Variants in PLEKHG1 observed in about 807,000 individuals in gnomAD.
The protein encoded by PLEKHG1 is pleckstrin homology domain-containing family G member 1.
PLEKHG1 carries 44 observed loss-of-function variants against 100.8 expected under a neutral mutation model. That is an observed-to-expected ratio of 0.44 (90% CI 0.34 to 0.56). PLEKHG1 has a LOEUF of 0.56. Among genes scored for constraint, PLEKHG1 ranks in the 20% least tolerant of loss-of-function variants. The pLI is 0.01. For missense variants in PLEKHG1, 1,545 were observed against 1,720.9 expected (o/e 0.90, Z 1.81); for synonymous variants, 640 against 662.5 (o/e 0.97, Z 0.52).
intron 13 of PLEKHG1, among the ~76,000 whole-genome samples, chr6:150,822,444 A>G: frequency 6.6e-6 from 1 of 152,218 alleles, no homozygotes; most frequent in East Asian, 1.9e-4. Flanking sequence ...TCACCTGCAG[A>G]GATGTACTTA....
intron 2 of PLEKHG1, among the ~76,000 whole-genome samples, chr6:150,741,914 C>CT (rs1782879331): frequency 6.6e-6 from 1 of 152,198 alleles, no homozygotes; most frequent in Non-Finnish European, 1.5e-5. Context: ...GACTTCTATC[C>CT]ATTAGAAGCT....
At chr6:150,748,690 G>A (rs894255802) in intron 2 of PLEKHG1, among the ~76,000 whole-genome samples, 2 of 145,434 alleles carry the variant, frequency 1.4e-5, no homozygotes, top group Admixed American at 7.3e-5. Context: ...CCACGATCAC[G>A]GCTCACTGCA....
chr6:150,771,373 C>T (rs1202746728), intron 3 of PLEKHG1, among the ~76,000 whole-genome samples: 4 of 151,556 alleles, frequency 2.6e-5, no homozygotes, highest in African/African-American at 9.7e-5. Context: ...GCCGAGATCG[C>T]GCCACTGCAC....
chr6:150,614,642 C>T (rs1277756876), intron 1 of PLEKHG1, among the ~76,000 whole-genome samples: 1 of 152,092 alleles, frequency 6.6e-6, no homozygotes, highest in Admixed American at 6.5e-5. Context: ...TGTCATCTCC[C>T]CAGGCCTCCC....
chr6:150,813,241 C>T (rs1380925600), intron 10 of PLEKHG1, among the ~76,000 whole-genome samples: 3 of 148,140 alleles, frequency 2.0e-5, no homozygotes, highest in African/African-American at 5.0e-5. Flanking sequence ...GGAGGCGGAG[C>T]TTGCATTGAG....
chr6:150,671,088 CATATATATATAT>C lies in PLEKHG1; in HGVS notation c.-99+20314_-99+20325del, dbSNP rs10566696. Among the ~76,000 whole-genome samples the C allele has an allele frequency of 1.3e-3, 193 of 147,518 alleles. 1 individual carries two copies. The highest frequency in any genetic ancestry group is 4.6e-3 in the African/African-American group (183 of 40,126). On this transcript the variant is annotated intron_variant, in intron 3 of 3. Coordinates refer to the PLEKHG1 transcript ENST00000367326. The stretch of plus-strand genomic sequence containing the variant: ...TTTTTATGGTTACATAGTATTCCAT[CATATATATATAT>C]ATATATATATACACACACACACCAG...
At chr6:150,690,055 A>C (rs981067986) in intron 3 of PLEKHG1, among the ~76,000 whole-genome samples, 1 of 152,158 alleles carries the variant, frequency 6.6e-6, no homozygotes, top group African/African-American at 2.4e-5. Flanking sequence ...GTCAGAAGTG[A>C]ACTCAGGAAA....
At chr6:150,662,668 G>T (rs923791424) in intron 3 of PLEKHG1, 12 of 152,258 alleles carry the variant, frequency 7.9e-5, no homozygotes, top group African/African-American at 2.7e-4. Context: ...GCCTCGGAAA[G>T]TGCTAGGATT....
intron 3 of PLEKHG1, among the ~76,000 whole-genome samples, chr6:150,784,990 G>A (rs1029499585): frequency 1.9e-4 from 28 of 150,748 alleles, no homozygotes; most frequent in Non-Finnish European, 3.8e-4. Context: ...TTGAGCCCAG[G>A]AAGACCTGCC....
intron 14 of PLEKHG1, among the ~76,000 whole-genome samples, chr6:150,830,303 A>G (rs150413251): frequency 1.3e-5 from 2 of 152,220 alleles, no homozygotes; most frequent in African/African-American, 4.8e-5. Context: ...TCCCTTTTTG[A>G]AAATATCTGA....
chr6:150,774,041 T>C (rs904766047), intron 3 of PLEKHG1, among the ~76,000 whole-genome samples: 1 of 152,234 alleles, frequency 6.6e-6, no homozygotes, highest in African/African-American at 2.4e-5. Flanking sequence ...TTGATTTTTA[T>C]ATGTCAATAC....
chr6:150,790,848 C>T (rs2128655733), intron 4 of PLEKHG1, among the ~76,000 whole-genome samples: 1 of 152,010 alleles, frequency 6.6e-6, no homozygotes, highest in South Asian at 2.1e-4. Flanking sequence ...GTGATGAAAC[C>T]CCATCTCTAC....
At chr6:150,827,726 G>T (rs960685409) in intron 14 of PLEKHG1, 3 of 1,303,046 alleles carry the variant, frequency 2.3e-6, no homozygotes, top group Non-Finnish European at 2.2e-6. Context: ...TTTCTTACCC[G>T]CCAAGGAAAG....
chr6:150,733,017 C>T (rs1430742832), intron 1 of PLEKHG1, among the ~76,000 whole-genome samples: 1 of 152,184 alleles, frequency 6.6e-6, no homozygotes, highest in Non-Finnish European at 1.5e-5. Context: ...GTAAAGTTGC[C>T]AGCATTATTT....
chr6:150,829,295 G>T (rs1302352267), intron 14 of PLEKHG1, among the ~76,000 whole-genome samples: 1 of 152,178 alleles, frequency 6.6e-6, no homozygotes, highest in African/African-American at 2.4e-5. Context: ...AGTTATAAAA[G>T]ACCTCATTGT....
chr6:150,670,482 C>A (rs1226412801), intron 3 of PLEKHG1, among the ~76,000 whole-genome samples: 2 of 152,352 alleles, frequency 1.3e-5, no homozygotes, highest in East Asian at 3.9e-4. Context: ...CGCTACACAG[C>A]CGCAGCATGC....
intron 13 of PLEKHG1, among the ~76,000 whole-genome samples, chr6:150,822,756 G>C (rs1024483008): frequency 1.3e-5 from 2 of 152,184 alleles, no homozygotes; most frequent in Non-Finnish European, 2.9e-5. Flanking sequence ...GAGGAGGGTG[G>C]ATCACCTGAG....
At chr6:150,706,721 C>A (rs958862238) in intron 3 of PLEKHG1, among the ~76,000 whole-genome samples, 3 of 151,684 alleles carry the variant, frequency 2.0e-5, no homozygotes, top group Non-Finnish European at 4.4e-5. Context: ...TTCATAGAAA[C>A]CCTGACCAAA....
chr6:150,703,543 G>A (rs1478034833), intron 3 of PLEKHG1, among the ~76,000 whole-genome samples: 3 of 150,612 alleles, frequency 2.0e-5, no homozygotes, highest in Non-Finnish European at 2.9e-5. Flanking sequence ...GGAGGTTACA[G>A]TGAGCCAAGA....
Sources: allele counts gnomAD v4.1 joint callset (sites outside exome capture counted in the v4.1 genomes callset), GRCh38; gene constraint gnomAD v4.1.1; transcripts MANE v1.5; gene names NCBI Gene and HGNC (gene_info 2026-07-23, HGNC 2026-07-21).